DENND1A: variants seen among roughly 807,000 people sequenced by gnomAD.
The protein encoded by DENND1A is DENN domain-containing protein 1A.
Under a neutral mutation model 113.7 loss-of-function variants are expected in DENND1A, and 51 were observed. That is an observed-to-expected ratio of 0.45 (90% CI 0.36 to 0.57). The LOEUF (loss-of-function observed/expected upper bound fraction) is 0.57, where lower values mean the gene tolerates loss of function less well. Ranked by LOEUF, DENND1A falls within the 20% of genes least tolerant of loss-of-function variation. DENND1A has a pLI of 0.00. For missense variants in DENND1A, 1,258 were observed against 1,395.9 expected (o/e 0.90, Z 1.57); for synonymous variants, 565 against 570.8 (o/e 0.99, Z 0.14).
At chr9:123,642,068 T>G (rs1374005561) in intron 9 of DENND1A, among the ~76,000 whole-genome samples, 2 of 152,212 alleles carry the variant, frequency 1.3e-5, no homozygotes, top group African/African-American at 4.8e-5. Flanking sequence ...CATGGCTGGT[T>G]GAAGTCACAT....
chr9:123,849,057 G>A (rs1842991108), intron 2 of DENND1A, among the ~76,000 whole-genome samples: 1 of 152,208 alleles, frequency 6.6e-6, no homozygotes, highest in South Asian at 2.1e-4. Context: ...TGCAGAAGCT[G>A]CAACAAGTTA....
At chr9:123,660,557 T>G (rs903498009) in intron 8 of DENND1A, among the ~76,000 whole-genome samples, 8 of 151,098 alleles carry the variant, frequency 5.3e-5, no homozygotes, top group Non-Finnish European at 1.2e-4. Flanking sequence ...TTATTTATTC[T>G]TAAAAGAAAA....
At chr9:123,459,031 T>A (rs2048346648) in intron 13 of DENND1A, among the ~76,000 whole-genome samples, 1 of 151,642 alleles carries the variant, frequency 6.6e-6, no homozygotes, top group Non-Finnish European at 1.5e-5. Flanking sequence ...CTGAGCCAAG[T>A]GTGTTGGCAG....
In DENND1A at chr9:123,743,454, G is replaced by A. The variant is rs182097236; in HGVS notation, c.302+14249C>T. On this transcript the variant is annotated intron_variant, in intron 5 of 23. Transcript: ENST00000394215. Reference sequence around the variant, plus strand: ...AATAATAAAAATAAAAACATAGGCCGGGCGCGGTGGCTCACTCCTGTAATC... The same window carrying A: ...AATAATAAAAATAAAAACATAGGCCAGGCGCGGTGGCTCACTCCTGTAATC... 2.5e-3 allele frequency among the ~76,000 whole-genome samples: 368 copies of A among 147,406 alleles called. 1 individual carries two copies. The highest frequency in any genetic ancestry group is 3.3e-3 in the Non-Finnish European group (218 of 66,776).
At chr9:123,556,642 C>G (rs150196204) in intron 13 of DENND1A, among the ~76,000 whole-genome samples, 1 of 152,342 alleles carries the variant, frequency 6.6e-6, no homozygotes, top group Non-Finnish European at 1.5e-5. Flanking sequence ...CTGATTCTGA[C>G]TCCGACTAGG....
intron 4 of DENND1A, among the ~76,000 whole-genome samples, chr9:123,760,031 C>A (rs557884460): frequency 2.0e-5 from 3 of 152,108 alleles, no homozygotes; most frequent in African/African-American, 7.2e-5. Context: ...TTAAAAAATC[C>A]AAATTCTAAT....
At chr9:123,568,061 C>A (rs1261187233) in intron 12 of DENND1A, among the ~76,000 whole-genome samples, 1 of 152,168 alleles carries the variant, frequency 6.6e-6, no homozygotes, top group Non-Finnish European at 1.5e-5. Context: ...AACTTCAGAC[C>A]TGACATGGAA....
chr9:123,452,033 C>CCA (rs143496950), intron 17 of DENND1A, among the ~76,000 whole-genome samples: 2 of 134,926 alleles, frequency 1.5e-5, no homozygotes, highest in Non-Finnish European at 3.1e-5. Flanking sequence ...CCTGTCTCTC[C>CCA]AAAAAAAAAA....
At chr9:123,769,361 C>A (rs1019469854) in intron 4 of DENND1A, among the ~76,000 whole-genome samples, 153 bp downstream of exon 4, 3 of 152,116 alleles carry the variant, frequency 2.0e-5, no homozygotes, top group Non-Finnish European at 4.4e-5. Flanking sequence ...CAATAAAAAC[C>A]CCAGGAAGGG....
At chr9:123,907,059 C>G (rs945462761) in intron 1 of DENND1A, among the ~76,000 whole-genome samples, 7 of 151,344 alleles carry the variant, frequency 4.6e-5, no homozygotes, top group East Asian at 3.9e-4. Flanking sequence ...TCAATATACG[C>G]AAATCAATAA....
intron 13 of DENND1A, among the ~76,000 whole-genome samples, chr9:123,487,795 T>C (rs2808395): frequency 0.99 from 150,475 of 152,340 alleles, 74,348 homozygotes; most frequent in Middle Eastern, 1. Flanking sequence ...GTACCAAGCA[T>C]GCTGAAAGGG....
At chr9:123,665,862 T>C (rs973359793) in intron 8 of DENND1A, among the ~76,000 whole-genome samples, 2 of 152,190 alleles carry the variant, frequency 1.3e-5, no homozygotes, top group Non-Finnish European at 2.9e-5. Flanking sequence ...CAATGGAATA[T>C]CATTCAGCCT....
intron 9 of DENND1A, among the ~76,000 whole-genome samples, chr9:123,641,055 C>A (rs1048466112): frequency 2.6e-5 from 4 of 152,160 alleles, no homozygotes; most frequent in African/African-American, 9.7e-5. Context: ...CTGCACTTAC[C>A]GATGATTTCA....
chr9:123,682,982 C>T (rs2064566480), intron 5 of DENND1A, among the ~76,000 whole-genome samples: 2 of 152,154 alleles, frequency 1.3e-5, no homozygotes, highest in Non-Finnish European at 2.9e-5. Flanking sequence ...GTGACTGCTT[C>T]AAACAACATG....
At position 123,495,135 on chromosome 9, in the gene DENND1A, GTCTCTT is replaced by G. The variant is rs1230543322; in HGVS notation, c.994-37244_994-37239del. ...TGTCTATCTATTATGACCCATCATT[GTCTCTT>G]TCTCTCTCTCTCTCTCTCTCTCTCT... is the stretch of plus-strand genomic sequence containing the variant. On this transcript the variant is annotated intron_variant, in intron 13 of 23. Transcript: ENST00000394215. Among the ~76,000 whole-genome samples the G allele has an allele frequency of 8.5e-5, 3 of 35,166 alleles. No homozygotes were observed. The East Asian group carries it at 1.9e-3, about 23-fold the overall frequency. The allele number at this position is 35,166 out of a possible 152,430, so 23.1% of individuals were successfully genotyped here.
intron 2 of DENND1A, among the ~76,000 whole-genome samples, chr9:123,856,599 G>C (rs943181901): frequency 6.6e-6 from 1 of 152,188 alleles, no homozygotes; most frequent in Non-Finnish European, 1.5e-5. Context: ...GTCAGATCCT[G>C]AGGAGGATTA....
chr9:123,705,043 G>A (rs534446362), intron 5 of DENND1A, among the ~76,000 whole-genome samples: 1 of 149,802 alleles, frequency 6.7e-6, no homozygotes, highest in East Asian at 1.9e-4. Context: ...TTCCAGAATT[G>A]CTGAAATCCC....
chr9:123,616,566 T>C (rs2060658843), intron 10 of DENND1A, among the ~76,000 whole-genome samples: 1 of 151,920 alleles, frequency 6.6e-6, no homozygotes, highest in African/African-American at 2.4e-5. Flanking sequence ...AAATAGGAGC[T>C]AAGGGGAAAA....
intron 19 of DENND1A, among the ~76,000 whole-genome samples, chr9:123,429,259 C>G (rs1031034728): frequency 6.6e-6 from 1 of 152,142 alleles, no homozygotes; most frequent in Non-Finnish European, 1.5e-5. Flanking sequence ...TGATCTTCAA[C>G]AAACAAGCAA....
Sources: allele counts gnomAD v4.1 joint callset (sites outside exome capture counted in the v4.1 genomes callset), GRCh38; gene constraint gnomAD v4.1.1; transcripts MANE v1.5; gene names NCBI Gene and HGNC (gene_info 2026-07-23, HGNC 2026-07-21).